FAM168A: variants seen among roughly 807,000 people sequenced by gnomAD.
FAM168A encodes protein FAM168A.
Under a neutral mutation model 28.5 loss-of-function variants are expected in FAM168A, and 3 were observed. The observed-to-expected ratio is 0.11, with a 90% confidence interval of 0.05 to 0.27. The LOEUF is 0.27. Among genes scored for constraint, FAM168A ranks in the 10% least tolerant of loss-of-function variants. The probability of loss-of-function intolerance (pLI) is 1.00; values close to 1 mark genes in which losing one functional copy is unlikely to be tolerated. For synonymous variants in FAM168A, 122 were observed against 124.2 expected (o/e 0.98, Z 0.12); for missense variants, 222 against 311.5 (o/e 0.71, Z 2.16).
At chr11:73,467,571 C>T (rs1196572105) in intron 2 of FAM168A, among the ~76,000 whole-genome samples, 1 of 152,070 alleles carries the variant, frequency 6.6e-6, no homozygotes, top group African/African-American at 2.4e-5. Context: ...TGATGCAAAT[C>T]AATAGATAAA....
intron 3 of FAM168A, among the ~76,000 whole-genome samples, chr11:73,424,498 C>G (rs1259784408): frequency 1.3e-5 from 2 of 152,076 alleles, no homozygotes; most frequent in African/African-American, 4.8e-5. Context: ...CACGCTGCCC[C>G]CCCCACCTCT....
At chr11:73,540,869 G>C (rs1018625535) in intron 1 of FAM168A, among the ~76,000 whole-genome samples, 8 of 152,150 alleles carry the variant, frequency 5.3e-5, no homozygotes, top group African/African-American at 1.4e-4. Context: ...ACTTTGAGCA[G>C]TGACCACTAG....
chr11:73,525,416 T>A (rs545070165), intron 1 of FAM168A, among the ~76,000 whole-genome samples: 1 of 152,288 alleles, frequency 6.6e-6, no homozygotes, highest in Admixed American at 6.5e-5. Flanking sequence ...ATCTGGGAAC[T>A]AAGAACTGAA....
chr11:73,496,369 C>T (rs1438516170), intron 1 of FAM168A, among the ~76,000 whole-genome samples: 2 of 152,158 alleles, frequency 1.3e-5, no homozygotes, highest in African/African-American at 2.4e-5. Context: ...AAAGTAATTG[C>T]GGCTTTGACC....
At chr11:73,553,763 A>T (rs1202464090) in intron 1 of FAM168A, among the ~76,000 whole-genome samples, 2 of 149,510 alleles carry the variant, frequency 1.3e-5, no homozygotes, top group Non-Finnish European at 3.0e-5. Flanking sequence ...AGGCAGATGG[A>T]TTGAGCCTAG....
chr11:73,446,235 G>C (rs1222200027), intron 2 of FAM168A, among the ~76,000 whole-genome samples: 1 of 152,152 alleles, frequency 6.6e-6, no homozygotes, highest in Non-Finnish European at 1.5e-5. Flanking sequence ...CCTATAATCA[G>C]TTGAAATTAT....
At chr11:73,561,072 A>C (rs1203006177) in intron 1 of FAM168A, among the ~76,000 whole-genome samples, 1 of 124,268 alleles carries the variant, frequency 8.0e-6, no homozygotes, top group Non-Finnish European at 1.8e-5. Flanking sequence ...AAAAAAAAAA[A>C]ACAAAAAACA....
chr11:73,497,267 C>T (rs775581003), intron 1 of FAM168A, among the ~76,000 whole-genome samples: 21 of 152,006 alleles, frequency 1.4e-4, no homozygotes, highest in Non-Finnish European at 2.4e-4. Context: ...GAGATCCAGA[C>T]CATCCTGGCC....
chr11:73,489,125 C>T (rs760505946), intron 1 of FAM168A, among the ~76,000 whole-genome samples: 7 of 152,228 alleles, frequency 4.6e-5, no homozygotes, highest in East Asian at 1.9e-4. Flanking sequence ...TTGATCTGCC[C>T]GCCTTGGCCT....
At position 73,400,689 on chromosome 11, in the gene FAM168A, C is replaced by G. The variant is rs1866388584; in HGVS notation, c.*6074G>C. 2 of 152,166 alleles carry G rather than the reference C, an allele frequency of 1.3e-5. No homozygotes were observed. Among genetic ancestry groups the G allele is most frequent in the Non-Finnish European group, 1.5e-5 (1 of 68,038 alleles). The allele number at this position is 152,166 out of a possible 1,614,324, so 9.4% of individuals were successfully genotyped here. A position where few individuals can be genotyped will look rare whatever the true frequency, so the allele number is the denominator to read the frequency against. ...ATAGGTTTTTCTTGACTACTGAGAA[C>G]AAATTTAGCATCAACTTGGGGAGAC... On this transcript the variant is annotated 3_prime_UTR_variant, in exon 8 of 8. Coordinates refer to ENST00000356467, the MANE Select transcript of FAM168A (RefSeq NM_015159.3).
chr11:73,586,762 AG>A (rs1944317718), intron 1 of FAM168A, among the ~76,000 whole-genome samples: 4 of 152,322 alleles, frequency 2.6e-5, no homozygotes, highest in Admixed American at 2.0e-4. Flanking sequence ...TACCAGGCTA[AG>A]GGTAGGGAGA....
chr11:73,559,506 A>G (rs953956543), intron 1 of FAM168A, among the ~76,000 whole-genome samples: 1 of 152,216 alleles, frequency 6.6e-6, no homozygotes, highest in Non-Finnish European at 1.5e-5. Context: ...CATCAAAAAC[A>G]TTATTCTGAG....
intron 2 of FAM168A, among the ~76,000 whole-genome samples, chr11:73,449,646 T>C (rs1867390427): frequency 6.6e-6 from 1 of 152,114 alleles, no homozygotes; most frequent in Admixed American, 6.5e-5. Flanking sequence ...GGGAAGAGGG[T>C]AGGAAGGTTT....
chr11:73,432,794 A>G lies in FAM168A; in HGVS notation c.71-2024T>C, dbSNP rs190057433. 1.4e-3 allele frequency among the ~76,000 whole-genome samples: 207 copies of G among 152,092 alleles called. 1 individual carries two copies. Among genetic ancestry groups the G allele is most frequent in the Middle Eastern group, 3.4e-3 (1 of 294 alleles). On this transcript the variant is annotated intron_variant, in intron 2 of 7. Transcript: ENST00000356467. ...GCTGAGTGTGGTAGCGTGTGCCTGT[A>G]CTCCCAGCTACTTGGGAGGCTGGGG...
chr11:73,571,088 A>C (rs1944080772), intron 1 of FAM168A, among the ~76,000 whole-genome samples: 2 of 152,206 alleles, frequency 1.3e-5, no homozygotes, highest in African/African-American at 4.8e-5. Flanking sequence ...ATGAAGAAAA[A>C]CTGACATCCC....
chr11:73,519,025 C>G (rs1943339731), intron 1 of FAM168A, among the ~76,000 whole-genome samples: 2 of 152,326 alleles, frequency 1.3e-5, no homozygotes, highest in Admixed American at 6.5e-5. Context: ...ATGCTTCCCA[C>G]ACAGCCTACA....
intron 1 of FAM168A, among the ~76,000 whole-genome samples, chr11:73,558,298 C>CA (rs1275611395): frequency 6.6e-6 from 1 of 151,640 alleles, no homozygotes; most frequent in Non-Finnish European, 1.5e-5. Context: ...ACTGCCTCTA[C>CA]AAAAAATGTA....
intron 1 of FAM168A, among the ~76,000 whole-genome samples, chr11:73,518,862 A>G (rs554700766): frequency 2.0e-4 from 31 of 152,094 alleles, no homozygotes; most frequent in African/African-American, 7.2e-4. Flanking sequence ...GCGCCACTGC[A>G]CTCCAGCCTG....
At chr11:73,588,124 T>C (rs1218463031) in intron 1 of FAM168A, among the ~76,000 whole-genome samples, 1 of 152,172 alleles carries the variant, frequency 6.6e-6, no homozygotes. Context: ...ACTTGTGCAA[T>C]TGAGTTGCAA....
Sources: gnomAD v4.1 joint callset for allele counts (sites outside exome capture counted in the v4.1 genomes callset) on GRCh38, gnomAD v4.1.1 for gene constraint, MANE v1.5 for transcripts, NCBI Gene and HGNC (gene_info 2026-07-23, HGNC 2026-07-21) for gene names.